VPS13D: variants seen among roughly 807,000 people sequenced by gnomAD.
The protein encoded by VPS13D is intermembrane lipid transfer protein VPS13D.
In VPS13D, 187 loss-of-function variants were observed where a neutral mutation model predicts 461.9. The observed-to-expected ratio is 0.40, with a 90% confidence interval of 0.36 to 0.46. The LOEUF is 0.46. Among genes scored for constraint, VPS13D ranks in the 20% least tolerant of loss-of-function variants. The pLI is 0.60. For synonymous variants in VPS13D, 1,951 were observed against 1,986.3 expected (o/e 0.98, Z 0.47); for missense variants, 4,711 against 5,364.9 (o/e 0.88, Z 3.81).
At chr1:12,439,843 G>A (rs1199206897) in intron 65 of VPS13D, among the ~76,000 whole-genome samples, 2 of 152,160 alleles carry the variant, frequency 1.3e-5, no homozygotes, top group South Asian at 2.1e-4. Flanking sequence ...CCAAGATCAC[G>A]CAGCCAATAA....
At chr1:12,304,400 C>G in intron 25 of VPS13D, 106 bp from the exon 26 acceptor site, 1 of 1,018,384 alleles carries the variant, frequency 9.8e-7, no homozygotes, top group Non-Finnish European at 1.4e-6. Context: ...CTTTGAAGAC[C>G]CTAGGGACTG....
At chr1:12,491,685 G>C (rs1645883826) in intron 67 of VPS13D, among the ~76,000 whole-genome samples, 1 of 152,210 alleles carries the variant, frequency 6.6e-6, no homozygotes, top group African/African-American at 2.4e-5. Flanking sequence ...TATCTGCAGT[G>C]TATCAGCCAC....
At chr1:12,232,126 T>TAA (rs978914851) in intron 1 of VPS13D, among the ~76,000 whole-genome samples, 8 of 152,082 alleles carry the variant, frequency 5.3e-5, no homozygotes, top group African/African-American at 1.9e-4. Context: ...ACTCTACCCT[T>TAA]AAAAAATATC....
At chr1:12,341,635 T>A in intron 40 of VPS13D, 145 bp from the exon 41 acceptor site, 1 of 626,108 alleles carries the variant, frequency 1.6e-6, no homozygotes. Flanking sequence ...ACGTGGAGCT[T>A]CCATTTGTCC....
At chr1:12,290,968 A>G in intron 22 of VPS13D, 30 bp from the exon 23 acceptor site, 1 of 1,579,568 alleles carries the variant, frequency 6.3e-7, no homozygotes, top group African/African-American at 1.4e-5. Flanking sequence ...AAGGATACAT[A>G]GTAATGTGTT....
At position 12,238,151 on chromosome 1, in the gene VPS13D, C is replaced by CA. The variant is rs1185807017; in HGVS notation, c.97+3802dup. 2.3e-3 allele frequency among the ~76,000 whole-genome samples: 226 copies of CA among 98,054 alleles called. 1 individual carries two copies. Among genetic ancestry groups the CA allele is most frequent in the Middle Eastern group, 7.0e-3 (1 of 142 alleles). 64.3% of individuals were successfully genotyped at this position (98,054 alleles called of 152,430 possible). ...CCTGGGTGACAGTGGGACCCTGTCTCAAAAAAAAAAAAAAGAAATATATGT... is the reference window on the plus strand; with the variant it reads ...CCTGGGTGACAGTGGGACCCTGTCTCAAAAAAAAAAAAAAAGAAATATATGT... On this transcript the variant is annotated intron_variant, in intron 2 of 69. Transcript: ENST00000620676.
At chr1:12,242,214 C>T (rs981110368) in intron 2 of VPS13D, among the ~76,000 whole-genome samples, 4 of 152,180 alleles carry the variant, frequency 2.6e-5, no homozygotes, top group Middle Eastern at 3.2e-3. Context: ...TTAGAGCGGA[C>T]GGCCTGGAAA....
intron 65 of VPS13D, among the ~76,000 whole-genome samples, chr1:12,432,579 T>C (rs1161442777): frequency 1.3e-5 from 2 of 151,822 alleles, no homozygotes; most frequent in African/African-American, 4.8e-5. Context: ...CACTTTGATC[T>C]GAACCCCTTT....
At chr1:12,304,752 AAT>A (rs1557697532) in intron 26 of VPS13D, 24 bp downstream of exon 26, 1 of 1,611,292 alleles carries the variant, frequency 6.2e-7, no homozygotes, top group Non-Finnish European at 8.5e-7. Flanking sequence ...AAAGCAACAT[AAT>A]ACTGAAGGTG....
In VPS13D at chr1:12,460,302, G is replaced by A. The variant is rs762120372; in HGVS notation, c.12568G>A (p.Val4190Ile). ...CATATCTGGCCTTGGAAAAGGGCTTGTTGGCACTGTAACCAAGCCAGTGGC... is the reference window on the plus strand; with the variant it reads ...CATATCTGGCCTTGGAAAAGGGCTTATTGGCACTGTAACCAAGCCAGTGGC... ...GFISGLGKGL[V>I]GTVTKPVAGA... The change falls in exon 67 of 70, where the codon GTT becomes ATT. Residue 4190 changes from valine (V) to isoleucine (I), a missense_variant. Physicochemically the swap from Val to Ile is conservative, Grantham distance 29. This residue lies in a region of VPS13D where 106 missense variants were observed against 206.2 expected (regional missense o/e 0.51). Transcript: ENST00000620676. 4 of 1,612,570 alleles carry A rather than the reference G, an allele frequency of 2.5e-6. No individual in the cohort carries two copies. The South Asian group carries it at 3.3e-5, about 13-fold the overall frequency.
intron 40 of VPS13D, among the ~76,000 whole-genome samples, chr1:12,338,608 G>A (rs1643501520): frequency 6.6e-6 from 1 of 152,290 alleles, no homozygotes; most frequent in African/African-American, 2.4e-5. Flanking sequence ...TGAAGAGCAA[G>A]TGGATTGAGG....
At chr1:12,239,464 A>G (rs891359909) in intron 2 of VPS13D, among the ~76,000 whole-genome samples, 1 of 152,318 alleles carries the variant, frequency 6.6e-6, no homozygotes, top group African/African-American at 2.4e-5. Context: ...CAGGATTTCC[A>G]TAGGTGGCAC....
At chr1:12,456,190 A>T in intron 66 of VPS13D, 60 bp downstream of exon 66, 1 of 1,548,808 alleles carries the variant, frequency 6.5e-7, no homozygotes, top group East Asian at 2.3e-5. Context: ...CCTTTGTATC[A>T]ATCTGATTGC....
rs371986998 is a variant in VPS13D at position 12,391,122 on chromosome 1, A to T, written c.11634+4788A>T. On this transcript the variant is annotated intron_variant, in intron 60 of 69. Transcript: ENST00000620676. ...GCCAAATCATTGGCTACCTCCCATG[A>T]ATCAGTATATAATCACACATCTGGC... Among the ~76,000 whole-genome samples, 5 of 152,204 alleles carry T rather than the reference A, an allele frequency of 3.3e-5. No individual in the cohort carries two copies. The East Asian group carries it at 9.6e-4, about 29-fold the overall frequency.
At chr1:12,454,339 C>T (rs1645298905) in intron 65 of VPS13D, among the ~76,000 whole-genome samples, 1 of 152,230 alleles carries the variant, frequency 6.6e-6, no homozygotes, top group African/African-American at 2.4e-5. Flanking sequence ...ATTCACGGTG[C>T]TAGCTTTGCA....
Position 12,322,611 on chromosome 1 carries a change from C to G in VPS13D, c.7780C>G (p.Pro2594Ala). 6.2e-7 allele frequency: 1 copy of G among 1,614,178 alleles called. No homozygotes were observed. Among genetic ancestry groups the G allele is most frequent in the Non-Finnish European group, 8.5e-7 (1 of 1,180,028 alleles). Reference protein sequence around the residue: ...QLFLAIAKSIPEQANAAVPDS... With the variant: ...QLFLAIAKSIAEQANAAVPDS... ...GTTTCTTGCCATTGCAAAATCCATC[C>G]CAGAGCAAGCTAATGCTGCAGTGCC... is the stretch of plus-strand genomic sequence containing the variant. The change falls in exon 34 of 70, where the codon CCA (proline) becomes GCA (alanine). Residue 2594 changes from proline (P) to alanine (A), a missense_variant. Around this residue, in one of 3 missense-constraint regions of VPS13D, gnomAD observed 4,411 missense variants for 4,937.8 expected, o/e 0.89. Coordinates refer to ENST00000620676, the MANE Select transcript of VPS13D (RefSeq NM_015378.4).
At chr1:12,382,397 G>A (rs1241977146) in intron 57 of VPS13D, among the ~76,000 whole-genome samples, 1 of 152,148 alleles carries the variant, frequency 6.6e-6, no homozygotes, top group Non-Finnish European at 1.5e-5. Context: ...CACCTCGCCT[G>A]GCTTGAAGTT....
Position 12,276,404 on chromosome 1 carries a change from T to TG in VPS13D, c.2817dup (p.Leu940ValfsTer21). 1.9e-6 allele frequency: 3 copies of TG among 1,614,092 alleles called. No individual in the cohort carries two copies. The highest frequency in any genetic ancestry group is 2.5e-6 in the Non-Finnish European group (3 of 1,180,006). On this transcript the variant is annotated frameshift_variant, in exon 19 of 70. Coordinates refer to ENST00000620676, the MANE Select transcript of VPS13D (RefSeq NM_015378.4). LOFTEE classifies it high-confidence loss of function. The surrounding 1 kb of genome is among the most constrained non-coding windows in gnomAD (Gnocchi z 4.5). ...GTAATGAATTTAACCCAGAGCATTG[T>TG]GTTGTTGGAGCAGCATACCCGCGAG...
intron 60 of VPS13D, among the ~76,000 whole-genome samples, chr1:12,392,132 G>A (rs951664149): frequency 1.3e-5 from 2 of 152,130 alleles, no homozygotes; most frequent in African/African-American, 4.8e-5. Context: ...AGGGTCCTGG[G>A]ATTATAGGTG....
Sources: gnomAD v4.1 joint callset for allele counts (sites outside exome capture counted in the v4.1 genomes callset) on GRCh38, gnomAD v4.1.1 for gene constraint, gnomAD v4.1.1 regional missense constraint, Gnocchi (gnomAD v3.1) non-coding constraint, MANE v1.5 for transcripts, NCBI Gene and HGNC (gene_info 2026-07-23, HGNC 2026-07-21) for gene names.